Variants in GAN observed in about 807,000 individuals in gnomAD.
The protein encoded by GAN is gigaxonin.
GAN carries 48 observed loss-of-function variants against 71.3 expected under a neutral mutation model. The observed-to-expected ratio is 0.67, with a 90% CI of 0.53 to 0.86. The LOEUF is 0.86. Ranked by LOEUF, GAN falls within the 40% of genes least tolerant of loss-of-function variation. The pLI is 0.00. For missense variants in GAN, 928 were observed against 770.1 expected (o/e 1.21, Z -2.43); for synonymous variants, 386 against 276.8 (o/e 1.39, Z -3.92).
chr16:81,346,509 C>T (rs1449747691), intron 1 of GAN, among the ~76,000 whole-genome samples: 2 of 152,132 alleles, frequency 1.3e-5, no homozygotes, highest in African/African-American at 4.8e-5. Context: ...CTCATAGGAG[C>T]GCGAACCCTA....
At chr16:81,358,058 A>G (rs149141590) in intron 5 of GAN, 127 bp downstream of exon 5, 2 of 842,934 alleles carry the variant, frequency 2.4e-6, no homozygotes, top group East Asian at 5.4e-5. Context: ...TTTTTAGTGT[A>G]GTTCTAGCTT....
Position 81,384,299 on chromosome 16 carries a change from T to C in GAN, c.*6703T>C, listed in dbSNP as rs1014693957. 1 of 136,236 alleles carries C rather than the reference T, an allele frequency of 7.3e-6. No homozygotes were observed. Among genetic ancestry groups the C allele is most frequent in the Non-Finnish European group, 1.5e-5 (1 of 65,192 alleles). The allele number at this position is 136,236 out of a possible 1,614,324, so 8.4% of individuals were successfully genotyped here. On this transcript the variant is annotated 3_prime_UTR_variant, in exon 11 of 11. Coordinates refer to ENST00000648994, the MANE Select transcript of GAN (RefSeq NM_022041.4). ...TAAGGCCTGTTTTCCATTTTACTAC[T>C]TAAAAAAAAAAAAAAAAGAAAAGAA...
Position 81,332,225 on chromosome 16 carries a change from C to T in GAN, c.167+16945C>T, listed in dbSNP as rs138805705. ...TGGATGCTAGAGAAGCTTTCAGGAA[C>T]TGGCAAGCAACGGTGGTGGGTAAAC... On this transcript the variant is annotated intron_variant, in intron 1 of 10. Transcript: ENST00000648994. Among the ~76,000 whole-genome samples, 540 of 151,512 alleles carry T rather than the reference C, an allele frequency of 3.6e-3. 5 individuals are homozygous for T. Among genetic ancestry groups the T allele is most frequent in the African/African-American group, 0.012 (507 of 41,310 alleles).
intron 6 of GAN, 126 bp from the exon 7 acceptor site, chr16:81,363,668 T>C (rs1910752266): frequency 1.1e-6 from 1 of 904,246 alleles, no homozygotes. Context: ...GTCTCCTTGC[T>C]CTAGGAGTCC....
At chr16:81,361,751 A>G (rs980712947) in intron 5 of GAN, among the ~76,000 whole-genome samples, 2 of 152,174 alleles carry the variant, frequency 1.3e-5, no homozygotes, top group African/African-American at 4.8e-5. Flanking sequence ...CTGGAGTACA[A>G]TGGCATGATC....
chr16:81,365,185 T>A, intron 8 of GAN, 75 bp downstream of exon 8: 1 of 1,578,766 alleles, frequency 6.3e-7, no homozygotes, highest in Non-Finnish European at 8.7e-7. Context: ...CCTGCCTGGC[T>A]TTTGTTCTTT....
chr16:81,376,271 T>G (rs1474963742), intron 9 of GAN, among the ~76,000 whole-genome samples: 1 of 152,072 alleles, frequency 6.6e-6, no homozygotes, highest in African/African-American at 2.4e-5. Flanking sequence ...TCTCTAATGT[T>G]CCTGACAGCC....
At chr16:81,319,706 C>G (rs1909163453) in intron 1 of GAN, among the ~76,000 whole-genome samples, 4 of 152,024 alleles carry the variant, frequency 2.6e-5, no homozygotes, top group African/African-American at 9.7e-5. Context: ...TGGCTTCCCC[C>G]CGACCCCCCC....
Position 81,354,752 on chromosome 16 carries a change from A to G in GAN, c.630A>G (p.Arg210=). Residue 210 remains arginine, a synonymous_variant, in exon 3 of 11, where the codon AGA becomes AGG. Coordinates refer to ENST00000648994, the MANE Select transcript of GAN (RefSeq NM_022041.4). ...IRWIAHDTEI[R]KVHMKDVMSA... ...GGATAGCACATGATACAGAAATAAG[A>G]AAGGTACCTGTCATTTATAACATGG... 1 of 1,544,640 alleles carries G rather than the reference A, an allele frequency of 6.5e-7. No homozygotes were observed. Among genetic ancestry groups the G allele is most frequent in the Non-Finnish European group, 9.0e-7 (1 of 1,116,736 alleles).
At chr16:81,332,478 T>C (rs924271191) in intron 1 of GAN, among the ~76,000 whole-genome samples, 1 of 152,244 alleles carries the variant, frequency 6.6e-6, no homozygotes, top group Non-Finnish European at 1.5e-5. Flanking sequence ...AGTCTTTTAC[T>C]GTAATGCTTT....
In GAN at chr16:81,324,390, G is replaced by A. The variant is rs565352437; in HGVS notation, c.167+9110G>A. On this transcript the variant is annotated intron_variant, in intron 1 of 10. Transcript: ENST00000648994. ...CTGTGGCCTGGGTGACGGGATCCCT[G>A]CTCCGAGGTGGTGCCATTGAAACTG... Among the ~76,000 whole-genome samples, 14 of 152,262 alleles carry A rather than the reference G, an allele frequency of 9.2e-5. No individual in the cohort carries two copies. In the South Asian group the frequency reaches 2.7e-3, roughly 29 times the overall value.
intron 5 of GAN, among the ~76,000 whole-genome samples, chr16:81,360,587 T>A (rs984340592): frequency 4.0e-5 from 6 of 151,850 alleles, no homozygotes; most frequent in South Asian, 2.1e-4. Flanking sequence ...TTTTTTTTTT[T>A]AATTTCTACA....
chr16:81,332,462 G>C (rs78017588), intron 1 of GAN, among the ~76,000 whole-genome samples: 1 of 152,192 alleles, frequency 6.6e-6, no homozygotes. Flanking sequence ...TTCACACCTG[G>C]GATGTAGTCT....
chr16:81,343,172 G>T (rs963002499), intron 1 of GAN, among the ~76,000 whole-genome samples: 1 of 152,122 alleles, frequency 6.6e-6, no homozygotes, highest in Non-Finnish European at 1.5e-5. Flanking sequence ...AGGACCAGAC[G>T]GATTCACAGC....
At chr16:81,376,093 C>G (rs527346103) in intron 9 of GAN, among the ~76,000 whole-genome samples, 4 of 152,114 alleles carry the variant, frequency 2.6e-5, no homozygotes, top group African/African-American at 9.6e-5. Flanking sequence ...ATATAATACT[C>G]AGATCTCACA....
intron 2 of GAN, among the ~76,000 whole-genome samples, chr16:81,352,264 C>T (rs543273849): frequency 6.6e-6 from 1 of 152,182 alleles, no homozygotes; most frequent in South Asian, 2.1e-4. Context: ...TCTCTTCCCT[C>T]TCCATGTCCA....
At chr16:81,358,431 G>T (rs1368618001) in intron 5 of GAN, among the ~76,000 whole-genome samples, 1 of 151,998 alleles carries the variant, frequency 6.6e-6, no homozygotes, top group East Asian at 1.9e-4. Context: ...ATGTAGGAGA[G>T]AAACTGTCTT....
chr16:81,363,963 A>AT lies in GAN; in HGVS notation c.1236+21dup. On this transcript the variant is annotated intron_variant, in intron 7 of 10. Transcript: ENST00000648994. ...AGAAAGGTGAGGACTGCATTTTGTG[A>AT]TAACTAGTCTGTGTACACATTGGAT... The AT allele has an allele frequency of 6.3e-7, 1 of 1,593,988 alleles. No individual in the cohort carries two copies.
chr16:81,357,159 G>T (rs558504845), intron 4 of GAN, among the ~76,000 whole-genome samples, 157 bp downstream of exon 4: 2 of 152,084 alleles, frequency 1.3e-5, no homozygotes, highest in Non-Finnish European at 2.9e-5. Context: ...ACAATGTGCA[G>T]GTTAGTTACA....
Sources: allele counts gnomAD v4.1 joint callset (sites outside exome capture counted in the v4.1 genomes callset), GRCh38; gene constraint gnomAD v4.1.1; transcripts MANE v1.5; gene names NCBI Gene and HGNC (gene_info 2026-07-23, HGNC 2026-07-21).